The following SERGEF variants were observed in gnomAD, a reference collection of about 807,000 sequenced individuals.
SERGEF encodes secretion regulating guanine nucleotide exchange factor.
In SERGEF, 51 loss-of-function variants were observed where a neutral mutation model predicts 50.0. The ratio of observed to expected loss-of-function variants is 1.02; its 90% CI spans 0.81 to 1.29. SERGEF has a LOEUF of 1.29. SERGEF is among the 50% of genes most tolerant of loss of function. SERGEF has a pLI of 0.00. For synonymous variants in SERGEF, 205 were observed against 212.4 expected (o/e 0.97, Z 0.30); for missense variants, 521 against 557.0 (o/e 0.94, Z 0.65).
At chr11:17,906,044 C>T (rs1211678227) in intron 9 of SERGEF, among the ~76,000 whole-genome samples, 1 of 152,116 alleles carries the variant, frequency 6.6e-6, no homozygotes. Context: ...AGTTTGAATG[C>T]CACTGCCTTC....
intron 9 of SERGEF, among the ~76,000 whole-genome samples, chr11:17,922,019 A>G (rs1174936134): frequency 6.6e-6 from 1 of 152,162 alleles, no homozygotes; most frequent in Non-Finnish European, 1.5e-5. Context: ...CCCAGCCACC[A>G]CCAAGCCTCA....
In SERGEF at chr11:18,007,108, A is replaced by G. The variant is rs112049117; in HGVS notation, c.197-362T>C. Among the ~76,000 whole-genome samples, 899 of 152,354 alleles carry G rather than the reference A, an allele frequency of 5.9e-3. 10 individuals carry two copies. Among genetic ancestry groups the G allele is most frequent in the African/African-American group, 0.02 (850 of 41,578 alleles). On this transcript the variant is annotated intron_variant, in intron 2 of 10. Coordinates refer to ENST00000265965, the MANE Select transcript of SERGEF (RefSeq NM_012139.4). ...TTTAGGCACAGTGTCTAGGGCCCAC[A>G]ATGCTTTCAGAGGCCCACAGAGTGG...
At chr11:17,994,648 G>A (rs1853798050) in intron 6 of SERGEF, among the ~76,000 whole-genome samples, 1 of 152,036 alleles carries the variant, frequency 6.6e-6, no homozygotes. Flanking sequence ...TGTTTGAGAA[G>A]TCCAAGTTTA....
chr11:18,012,939 G>A lies in SERGEF; in HGVS notation c.60+12C>T, dbSNP rs1222213456. 1.3e-6 allele frequency: 2 copies of A among 1,517,138 alleles called. No homozygotes were observed. Among genetic ancestry groups the A allele is most frequent in the East Asian group, 5.3e-5 (2 of 38,066 alleles). 94.0% of individuals were successfully genotyped at this position (1,517,138 alleles called of 1,614,324 possible). On this transcript the variant is annotated intron_variant, in intron 1 of 10. Transcript: ENST00000265965. Reference sequence around the variant, plus strand: ...TCAGGGCCTGCACCGGCCCGGGGGCGGAGTCACGTACCCAGGCGAAGAGCG... The same window carrying A: ...TCAGGGCCTGCACCGGCCCGGGGGCAGAGTCACGTACCCAGGCGAAGAGCG...
intron 9 of SERGEF, among the ~76,000 whole-genome samples, chr11:17,886,800 T>C (rs543992110): frequency 6.6e-6 from 1 of 152,286 alleles, no homozygotes; most frequent in Admixed American, 6.5e-5. Context: ...GACTGCTTGC[T>C]TTTCCCATAG....
At chr11:17,920,139 CA>C (rs1456115158) in intron 9 of SERGEF, among the ~76,000 whole-genome samples, 1 of 151,530 alleles carries the variant, frequency 6.6e-6, no homozygotes, top group East Asian at 1.9e-4. Context: ...CCTAGCTACT[CA>C]GGAGGCTGAG....
At chr11:18,010,818 TG>T (rs1854179090) in intron 1 of SERGEF, among the ~76,000 whole-genome samples, 1 of 152,182 alleles carries the variant, frequency 6.6e-6, no homozygotes, top group African/African-American at 2.4e-5. Flanking sequence ...GGCGAATGAA[TG>T]TAAGACCCTA....
At chr11:18,010,343 C>T (rs1027205303) in intron 1 of SERGEF, 1 of 239,854 alleles carries the variant, frequency 4.2e-6, no homozygotes, top group African/African-American at 2.2e-5. Flanking sequence ...TTACTGAGTG[C>T]TTCTCTCCAT....
chr11:17,945,030 T>A (rs927723966), intron 9 of SERGEF, among the ~76,000 whole-genome samples: 1 of 152,218 alleles, frequency 6.6e-6, no homozygotes, highest in Admixed American at 6.5e-5. Context: ...TCAGAAGATA[T>A]AAGTTTCCAG....
chr11:17,893,751 T>G (rs1405627706), intron 9 of SERGEF, among the ~76,000 whole-genome samples: 1 of 152,170 alleles, frequency 6.6e-6, no homozygotes, highest in Admixed American at 6.5e-5. Context: ...TAGATCAGCC[T>G]TGAGATCAGA....
chr11:17,975,436 G>A (rs1167737810), intron 8 of SERGEF, among the ~76,000 whole-genome samples: 7 of 152,072 alleles, frequency 4.6e-5, no homozygotes, highest in African/African-American at 9.6e-5. Context: ...TTTAAGAAAC[G>A]CTTCAAGATG....
chr11:18,012,974 C>T lies in SERGEF; in HGVS notation c.37G>A (p.Ala13Thr). 1 of 1,471,924 alleles carries T rather than the reference C, an allele frequency of 6.8e-7. No homozygotes were observed. The highest frequency in any genetic ancestry group is 8.9e-7 in the Non-Finnish European group (1 of 1,121,124). 91.2% of individuals were successfully genotyped at this position (1,471,924 alleles called of 1,614,324 possible). A position where few individuals can be genotyped will look rare whatever the true frequency, so the allele number is the denominator to read the frequency against. ...REPSASEAAP[A>T]AAALFAWGAN... ...ACCCAGGCGAAGAGCGCGGCCGCCG[C>T]GGGGGCGGCCTCCGAGGCGCTGGGC... The change falls in exon 1 of 11, where the codon GCG (alanine) becomes ACG (threonine). Residue 13 changes from alanine to threonine, a missense_variant. Ala to Thr is a moderately conservative substitution (Grantham distance 58). Transcript: ENST00000265965.
intron 9 of SERGEF, among the ~76,000 whole-genome samples, chr11:17,882,438 A>G (rs1003421520): frequency 2.7e-5 from 4 of 148,448 alleles, no homozygotes; most frequent in Non-Finnish European, 6.0e-5. Context: ...AAAAAAAAAG[A>G]AAAAAAAAGA....
chr11:17,928,519 A>G (rs1004354117), intron 9 of SERGEF, among the ~76,000 whole-genome samples: 2 of 152,182 alleles, frequency 1.3e-5, no homozygotes, highest in Non-Finnish European at 2.9e-5. Flanking sequence ...ACAGACTGCA[A>G]GCTTTGTGAG....
At chr11:18,001,909 T>C (rs1030050248) in intron 4 of SERGEF, 8 of 446,378 alleles carry the variant, frequency 1.8e-5, no homozygotes, top group Non-Finnish European at 4.5e-6. Context: ...TTTCTAAACT[T>C]TAGGACCCTC....
chr11:17,853,713 T>C (rs1262757243), intron 10 of SERGEF: 1 of 152,142 alleles, frequency 6.6e-6, no homozygotes, highest in Non-Finnish European at 1.5e-5. Flanking sequence ...ACCAGGAGGC[T>C]GGGCACGGTG....
intron 8 of SERGEF, among the ~76,000 whole-genome samples, chr11:17,973,121 T>C (rs1163442020): frequency 2.0e-5 from 3 of 152,128 alleles, no homozygotes; most frequent in African/African-American, 7.2e-5. Flanking sequence ...GGAATGCGAC[T>C]TGGGAGTGTC....
intron 9 of SERGEF, among the ~76,000 whole-genome samples, chr11:17,911,845 T>G (rs1403325963): frequency 6.6e-6 from 1 of 152,068 alleles, no homozygotes; most frequent in African/African-American, 2.4e-5. Context: ...CACCAAAAAG[T>G]CCCCTCGTAC....
At chr11:17,893,645 A>G (rs1024251842) in intron 9 of SERGEF, among the ~76,000 whole-genome samples, 2 of 152,222 alleles carry the variant, frequency 1.3e-5, no homozygotes, top group African/African-American at 2.4e-5. Context: ...TCAGCTCTAT[A>G]CAAGCCACTA....
Sources: allele counts gnomAD v4.1 joint callset (sites outside exome capture counted in the v4.1 genomes callset), GRCh38; gene constraint gnomAD v4.1.1; transcripts MANE v1.5; gene names NCBI Gene and HGNC (gene_info 2026-07-23, HGNC 2026-07-21).